The following XKR9 variants were observed in gnomAD, a reference collection of about 807,000 sequenced individuals.
The protein encoded by XKR9 is XK related 9.
XKR9 carries 32 observed loss-of-function variants against 32.0 expected under a neutral mutation model. The ratio of observed to expected loss-of-function variants is 1.00; its 90% CI spans 0.76 to 1.34. The LOEUF is 1.34. Among genes scored for constraint, XKR9 ranks in the 40% most tolerant of loss-of-function variants. The pLI, the probability that XKR9 is intolerant of heterozygous loss-of-function variation, is 0.00. For missense variants in XKR9, 546 were observed against 429.7 expected (o/e 1.27, Z -2.39); for synonymous variants, 168 against 143.4 (o/e 1.17, Z -1.22).
the XKR9 span, among the ~76,000 whole-genome samples, chr8:70,939,170 A>C: frequency 6.6e-6 from 1 of 152,136 alleles, no homozygotes; most frequent in Admixed American, 6.5e-5. Flanking sequence ...GAATAGTCTC[A>C]TGAAAGATTA....
the XKR9 span, among the ~76,000 whole-genome samples, chr8:70,970,941 A>G: frequency 6.6e-6 from 1 of 152,210 alleles, no homozygotes; most frequent in Admixed American, 6.5e-5. Flanking sequence ...TGACCGAGCA[A>G]TCCCATTACT....
intron 2 of XKR9, among the ~76,000 whole-genome samples, chr8:70,788,525 G>A (rs1287317861): frequency 2.3e-5 from 3 of 132,578 alleles, no homozygotes; most frequent in Non-Finnish European, 5.4e-5. Flanking sequence ...CTTAACCAGC[G>A]CAGATGTTCA....
At chr8:70,904,735 G>A in the XKR9 span, among the ~76,000 whole-genome samples, 2 of 152,106 alleles carry the variant, frequency 1.3e-5, no homozygotes, top group Admixed American at 6.5e-5. Context: ...TTACATTTTG[G>A]CATGTTTTTG....
the XKR9 span, among the ~76,000 whole-genome samples, chr8:70,993,579 A>T: frequency 6.8e-6 from 1 of 146,036 alleles, no homozygotes; most frequent in Non-Finnish European, 1.5e-5. Context: ...TAAGGATGAG[A>T]ATCTTCTAGT....
intron 4 of XKR9, among the ~76,000 whole-genome samples, chr8:70,732,369 A>T (rs557170620): frequency 8.5e-5 from 13 of 152,220 alleles, no homozygotes; most frequent in Non-Finnish European, 1.8e-4. Flanking sequence ...TTTCCGTATT[A>T]CAATTAAATC....
At chr8:70,971,862 G>A in the XKR9 span, among the ~76,000 whole-genome samples, 1 of 152,032 alleles carries the variant, frequency 6.6e-6, no homozygotes, top group South Asian at 2.1e-4. Context: ...GGTGACTATG[G>A]CCTTATAGTA....
At chr8:70,825,344 T>C in the XKR9 span, among the ~76,000 whole-genome samples, 1 of 152,110 alleles carries the variant, frequency 6.6e-6, no homozygotes, top group East Asian at 1.9e-4. Context: ...TGGCATGAAT[T>C]CTTCTCTGAG....
In XKR9 at chr8:70,670,601, C is replaced by T. The variant is rs897777775; in HGVS notation, c.-361+1063C>T. The T allele has an allele frequency of 2.6e-5, 4 of 151,798 alleles. No individual in the cohort carries two copies. The South Asian group carries it at 6.2e-4, about 24-fold the overall frequency. The allele number at this position is 151,798 out of a possible 1,614,324, so 9.4% of individuals were successfully genotyped here. Reference sequence around the variant, plus strand: ...TATTTCTGATGAAGAAAACGATCTGCTCTTACCTATTTTATGAATCAGCAG... The same window carrying T: ...TATTTCTGATGAAGAAAACGATCTGTTCTTACCTATTTTATGAATCAGCAG... On this transcript the variant is annotated intron_variant, in intron 1 of 4. Coordinates refer to ENST00000408926, the MANE Select transcript of XKR9 (RefSeq NM_001011720.2).
rs938262714 is a variant in XKR9 at position 70,781,921 on chromosome 8, T to G, written n.353-7418T>G. Among the ~76,000 whole-genome samples, 13 of 152,328 alleles carry G rather than the reference T, an allele frequency of 8.5e-5. 1 individual carries two copies. The highest frequency in any genetic ancestry group is 2.9e-4 in the African/African-American group (12 of 41,580). ...TACTTATAGCACTTGTGTTCTATGA[T>G]TTACACTATGGATTTAGGAAAACAA... On this transcript the variant is annotated intron_variant and non_coding_transcript_variant, in intron 2 of 3. Coordinates refer to the XKR9 transcript ENST00000520273.
chr8:70,874,670 A>G, the XKR9 span, among the ~76,000 whole-genome samples: 1 of 152,214 alleles, frequency 6.6e-6, no homozygotes, highest in African/African-American at 2.4e-5. Flanking sequence ...AAAAACAGGA[A>G]TGTATTGACT....
At chr8:70,982,231 G>T in the XKR9 span, among the ~76,000 whole-genome samples, 1 of 152,192 alleles carries the variant, frequency 6.6e-6, no homozygotes, top group Non-Finnish European at 1.5e-5. Flanking sequence ...CAGATGGTGG[G>T]CAGGGCCATA....
intron 2 of XKR9, among the ~76,000 whole-genome samples, chr8:70,781,583 A>G (rs1257608227): frequency 1.3e-5 from 2 of 151,378 alleles, no homozygotes; most frequent in African/African-American, 4.8e-5. Context: ...TTTTCTTTCA[A>G]TCCTTGCCAG....
chr8:70,778,228 G>C (rs929361514), intron 2 of XKR9, among the ~76,000 whole-genome samples: 7 of 152,122 alleles, frequency 4.6e-5, no homozygotes, highest in African/African-American at 1.4e-4. Context: ...TCTTGTTTTT[G>C]TCAGGTTTGT....
At chr8:70,767,012 A>T (rs1807386019) in intron 2 of XKR9, among the ~76,000 whole-genome samples, 1 of 152,188 alleles carries the variant, frequency 6.6e-6, no homozygotes, top group African/African-American at 2.4e-5. Context: ...TATTTTATTG[A>T]GGATTTTTCA....
At chr8:70,695,522 A>G (rs1037868398) in intron 3 of XKR9, among the ~76,000 whole-genome samples, 30 of 151,406 alleles carry the variant, frequency 2.0e-4, no homozygotes, top group Admixed American at 1.7e-3. Context: ...ATTTTTTATG[A>G]CTGCATAGTA....
the XKR9 span, among the ~76,000 whole-genome samples, chr8:71,016,536 T>G: frequency 6.6e-6 from 1 of 152,324 alleles, no homozygotes; most frequent in Admixed American, 6.5e-5. Flanking sequence ...CTCGCTCATG[T>G]TCTTCAAATC....
chr8:71,000,752 C>G, the XKR9 span, among the ~76,000 whole-genome samples: 2 of 152,180 alleles, frequency 1.3e-5, no homozygotes, highest in Non-Finnish European at 2.9e-5. Context: ...TTGCCATGCT[C>G]AGATCTGTCA....
At chr8:71,062,069 T>C in the XKR9 span, among the ~76,000 whole-genome samples, 2 of 152,196 alleles carry the variant, frequency 1.3e-5, no homozygotes, top group Non-Finnish European at 2.9e-5. Context: ...AACCAGTCCT[T>C]GGTCTTTGGC....
At chr8:70,935,155 A>ATATATACATATATACACATATG in the XKR9 span, among the ~76,000 whole-genome samples, 1 of 142,352 alleles carries the variant, frequency 7.0e-6, no homozygotes, top group South Asian at 2.2e-4. Context: ...ATATATACAT[A>ATATATACATATATACACATATG]TATATACATA....
Sources: allele counts gnomAD v4.1 joint callset (sites outside exome capture counted in the v4.1 genomes callset), GRCh38; gene constraint gnomAD v4.1.1; transcripts MANE v1.5; gene names NCBI Gene and HGNC (gene_info 2026-07-23, HGNC 2026-07-21).